The following KIAA1671 variants were observed in gnomAD, a reference collection of about 807,000 sequenced individuals.
The protein encoded by KIAA1671 is KIAA1671.
KIAA1671 carries 52 observed loss-of-function variants against 131.2 expected under a neutral mutation model. That is an observed-to-expected ratio of 0.40 (90% CI 0.32 to 0.50). The LOEUF (loss-of-function observed/expected upper bound fraction) is 0.50. Ranked by LOEUF, KIAA1671 falls within the 20% of genes least tolerant of loss-of-function variation. The pLI is 0.73. For synonymous variants in KIAA1671, 1,003 were observed against 961.6 expected (o/e 1.04, Z -0.80); for missense variants, 2,360 against 2,364.2 (o/e 1.00, Z 0.04).
rs1194938962 is a variant in KIAA1671, at chr22:25,072,670, G to T, written c.4530+23306G>T. Among the ~76,000 whole-genome samples the T allele has an allele frequency of 2.6e-5, 4 of 152,202 alleles. No individual in the cohort carries two copies. In the East Asian group the frequency reaches 5.8e-4, roughly 22 times the overall value. ...TGAGGAAGCCCCGTGGCCTTGGGAA[G>T]TCCATTTCAGCTTCCCAAACTTCAG... On this transcript the variant is annotated intron_variant, in intron 6 of 12. Transcript: ENST00000358431.
chr22:25,167,721 A>G (rs1175683353), intron 6 of KIAA1671, among the ~76,000 whole-genome samples: 1 of 152,222 alleles, frequency 6.6e-6, no homozygotes, highest in South Asian at 2.1e-4. Flanking sequence ...ATTTGGGTCT[A>G]TGAGTGTAGC....
intron 6 of KIAA1671, among the ~76,000 whole-genome samples, chr22:25,156,614 TTTTGTGTATATGTG>T (rs1380753650): frequency 6.6e-6 from 1 of 152,164 alleles, no homozygotes; most frequent in African/African-American, 2.4e-5. Context: ...TGTGTATGTG[TTTTGTGTATATGTG>T]TTTGTGTATA....
rs116600708 is a variant in KIAA1671 at position 25,137,786 on chromosome 22, C to T, written c.4531-33034C>T. Among the ~76,000 whole-genome samples the T allele has an allele frequency of 5.2e-3, 795 of 152,312 alleles. 7 individuals carry two copies. The highest frequency in any genetic ancestry group is 0.031 in the South Asian group (149 of 4,822). ...CCCAACCCTTTCTGGGAGAGTTTGT[C>T]CTCCTGCCAGTACCTGCCTGCAGCT... On this transcript the variant is annotated intron_variant, in intron 6 of 12. Coordinates refer to ENST00000358431, the MANE Select transcript of KIAA1671 (RefSeq NM_001145206.2).
intron 1 of KIAA1671, among the ~76,000 whole-genome samples, chr22:25,007,926 T>C (rs557573143): frequency 8.9e-4 from 135 of 152,154 alleles, no homozygotes; most frequent in African/African-American, 3.1e-3. Context: ...CCAGGCACGG[T>C]GGCTCACGTC....
chr22:25,191,596 A>G (rs1274956509), intron 12 of KIAA1671, among the ~76,000 whole-genome samples: 1 of 152,222 alleles, frequency 6.6e-6, no homozygotes. Flanking sequence ...TCATGAACTT[A>G]AGTTTCCTCA....
intron 1 of KIAA1671, among the ~76,000 whole-genome samples, chr22:25,000,492 C>CTTTTTTTTTTTTTT (rs932233451): frequency 2.0e-5 from 1 of 49,652 alleles, no homozygotes. Flanking sequence ...CGCGCCCGGC[C>CTTTTTTTTTTTTTT]TTTTTTTTTT....
intron 1 of KIAA1671, among the ~76,000 whole-genome samples, chr22:24,987,819 A>G (rs1923634586): frequency 6.6e-6 from 1 of 152,206 alleles, no homozygotes; most frequent in Non-Finnish European, 1.5e-5. Flanking sequence ...TTTGCAATTG[A>G]GGATACTGAG....
chr22:24,995,207 T>C (rs571029469), intron 1 of KIAA1671, among the ~76,000 whole-genome samples: 181 of 151,882 alleles, frequency 1.2e-3, no homozygotes, highest in South Asian at 2.7e-3. Flanking sequence ...CCCGCCACCA[T>C]GCCTGGCTAA....
rs1464547048 is a variant in KIAA1671, at chr22:25,032,589, A to G, written c.1542-20A>G. 3.3e-6 allele frequency: 5 copies of G among 1,493,892 alleles called. No homozygotes were observed. The South Asian group carries it at 4.9e-5, about 15-fold the overall frequency. The allele number at this position is 1,493,892 out of a possible 1,614,324, so 92.5% of individuals were successfully genotyped here. Reference sequence around the variant, plus strand: ...TAACAGCTTCCAGCTCCATGAAGGTAACTCAGATCTCTGTACCAGGTTTTC... The same window carrying G: ...TAACAGCTTCCAGCTCCATGAAGGTGACTCAGATCTCTGTACCAGGTTTTC... On this transcript the variant is annotated intron_variant, in intron 3 of 12. Coordinates refer to ENST00000358431, the MANE Select transcript of KIAA1671 (RefSeq NM_001145206.2).
intron 6 of KIAA1671, among the ~76,000 whole-genome samples, chr22:25,152,872 T>C (rs1016149257): frequency 2.0e-5 from 3 of 152,182 alleles, no homozygotes; most frequent in Non-Finnish European, 4.4e-5. Flanking sequence ...CCCAAAGTGC[T>C]GGGATTATAG....
In KIAA1671 at chr22:25,123,018, T is replaced by C. The variant is rs1040889842; in HGVS notation, c.4531-47802T>C. ...GTCATTATCATCATCACCATTGTTATCTGATCAGAGCTTAATAGTTGGCAA... is the reference window on the plus strand; with the variant it reads ...GTCATTATCATCATCACCATTGTTACCTGATCAGAGCTTAATAGTTGGCAA... On this transcript the variant is annotated intron_variant, in intron 6 of 12. Coordinates refer to ENST00000358431, the MANE Select transcript of KIAA1671 (RefSeq NM_001145206.2). Among the ~76,000 whole-genome samples the C allele has an allele frequency of 4.6e-5, 7 of 151,920 alleles. No homozygotes were observed. The South Asian group carries it at 1.5e-3, about 32-fold the overall frequency.
chr22:25,137,372 A>G (rs1281698887), intron 6 of KIAA1671, among the ~76,000 whole-genome samples: 1 of 152,188 alleles, frequency 6.6e-6, no homozygotes, highest in East Asian at 1.9e-4. Flanking sequence ...CTATGTTACC[A>G]GGCCTGTGGT....
chr22:25,181,727 G>A lies in KIAA1671; in HGVS notation c.5103G>A (p.Ser1701=), dbSNP rs1241779963. ...TEEKSPRKEE[S]DEEETASKAE... Reference sequence around the variant, plus strand: ...AGAAATCACCCAGGAAGGAGGAGTCGGATGAGGAGGAGACGGCATCCAAAG... The same window carrying A: ...AGAAATCACCCAGGAAGGAGGAGTCAGATGAGGAGGAGACGGCATCCAAAG... The change falls in exon 10 of 13, where the codon TCG becomes TCA. Residue 1701 remains serine, a synonymous_variant. Coordinates refer to ENST00000358431, the MANE Select transcript of KIAA1671 (RefSeq NM_001145206.2). The A allele has an allele frequency of 3.7e-5, 57 of 1,551,496 alleles. No individual in the cohort carries two copies. The highest frequency in any genetic ancestry group is 4.4e-5 in the Non-Finnish European group (51 of 1,146,976).
intron 6 of KIAA1671, among the ~76,000 whole-genome samples, chr22:25,164,634 A>C (rs16979684): frequency 0.27 from 40,462 of 152,116 alleles, 5,490 homozygotes; most frequent in South Asian, 0.39. Flanking sequence ...TAAAGCTAAT[A>C]AAACAACCTG....
At chr22:25,054,706 T>C (rs1284839435) in intron 6 of KIAA1671, 1 of 149,422 alleles carries the variant, frequency 6.7e-6, no homozygotes, top group African/African-American at 2.4e-5. Flanking sequence ...CATCATGTCA[T>C]GTGCTTTAAT....
intron 6 of KIAA1671, among the ~76,000 whole-genome samples, chr22:25,137,329 C>T (rs1490065534): frequency 6.6e-6 from 1 of 152,086 alleles, no homozygotes; most frequent in East Asian, 1.9e-4. Flanking sequence ...ATAGGAATAG[C>T]AGTCACCAAA....
intron 1 of KIAA1671, among the ~76,000 whole-genome samples, chr22:25,024,872 G>A (rs980665804): frequency 6.8e-5 from 10 of 146,708 alleles, no homozygotes; most frequent in Admixed American, 1.3e-4. Context: ...GTGTAGCTAT[G>A]CTAAGTCCTG....
chr22:25,041,465 G>T lies in KIAA1671; in HGVS notation c.4335G>T (p.Glu1445Asp). Residue 1445 changes from glutamate to aspartate, a missense_variant, in exon 5 of 13, where the codon GAG (glutamate) becomes GAT (aspartate). Glu to Asp is a conservative substitution (Grantham distance 45, BLOSUM62 2). Coordinates refer to ENST00000358431, the MANE Select transcript of KIAA1671 (RefSeq NM_001145206.2). ...AAGGGAGGCCCAGCCTTACTGGAGA[G>T]AATTTGGAGGCCAAAATGGGACCCT... ...QPKGRPSLTG[E>D]NLEAKMGPCW... 6.4e-7 allele frequency: 1 copy of T among 1,551,504 alleles called. No homozygotes were observed.
chr22:25,093,032 T>C (rs1930096668), intron 6 of KIAA1671, among the ~76,000 whole-genome samples: 3 of 152,030 alleles, frequency 2.0e-5, no homozygotes. Context: ...TTTACTGAGT[T>C]TTGGAAGCAG....
Sources: allele counts gnomAD v4.1 joint callset (sites outside exome capture counted in the v4.1 genomes callset), GRCh38; gene constraint gnomAD v4.1.1; transcripts MANE v1.5; gene names NCBI Gene and HGNC (gene_info 2026-07-23, HGNC 2026-07-21).